Variants in CDH18 observed in about 807,000 individuals in gnomAD.
CDH18 encodes the protein cadherin 18.
In CDH18, 31 loss-of-function variants were observed where a neutral mutation model predicts 67.9. That is an observed-to-expected ratio of 0.46 (90% confidence interval 0.34 to 0.62). CDH18 has a LOEUF of 0.62. CDH18 is among the 20% of genes least tolerant of loss of function. The probability of loss-of-function intolerance (pLI) is 0.01; values close to 1 mark genes in which losing one functional copy is unlikely to be tolerated. For missense variants in CDH18, 890 were observed against 975.5 expected (o/e 0.91, Z 1.17); for synonymous variants, 362 against 347.2 (o/e 1.04, Z -0.48).
At chr5:19,954,888 C>T (rs1180093433) in intron 2 of CDH18, among the ~76,000 whole-genome samples, 1 of 151,756 alleles carries the variant, frequency 6.6e-6, no homozygotes, top group African/African-American at 2.4e-5. Context: ...GAAGATACGA[C>T]TGCACAAGTG....
At chr5:19,722,332 G>A (rs533090433) in intron 4 of CDH18, among the ~76,000 whole-genome samples, 30 of 152,030 alleles carry the variant, frequency 2.0e-4, no homozygotes, top group African/African-American at 6.8e-4. Context: ...GGAATTAAAG[G>A]TGTGAGCCAC....
At chr5:19,898,352 T>TAA (rs5866407) in intron 2 of CDH18, among the ~76,000 whole-genome samples, 27 of 151,514 alleles carry the variant, frequency 1.8e-4, no homozygotes, top group African/African-American at 5.3e-4. Context: ...TTCTTATAGT[T>TAA]AAAAAAAACT....
At chr5:19,630,412 C>T (rs188097319) in intron 5 of CDH18, among the ~76,000 whole-genome samples, 40 of 152,106 alleles carry the variant, frequency 2.6e-4, no homozygotes, top group Non-Finnish European at 4.0e-4. Flanking sequence ...GCTTTGTATT[C>T]TTAATATTTC....
At chr5:19,826,749 A>G (rs1006409759) in intron 3 of CDH18, among the ~76,000 whole-genome samples, 1 of 152,190 alleles carries the variant, frequency 6.6e-6, no homozygotes, top group African/African-American at 2.4e-5. Flanking sequence ...TAGATGGAAG[A>G]GAAATACCAT....
chr5:19,591,640 A>C (rs542363889), intron 6 of CDH18, among the ~76,000 whole-genome samples: 11 of 152,250 alleles, frequency 7.2e-5, no homozygotes, highest in African/African-American at 2.6e-4. Context: ...AAAAATGTGG[A>C]AACAAAAAGT....
intron 5 of CDH18, among the ~76,000 whole-genome samples, chr5:19,678,061 G>C (rs904598686): frequency 1.3e-5 from 2 of 151,886 alleles, no homozygotes; most frequent in African/African-American, 4.8e-5. Context: ...GTAATAGACA[G>C]ATCATCGAGG....
At chr5:20,477,150 T>C (rs1223411807) in intron 1 of CDH18, among the ~76,000 whole-genome samples, 1 of 151,972 alleles carries the variant, frequency 6.6e-6, no homozygotes, top group Non-Finnish European at 1.5e-5. Flanking sequence ...AAGTGATCAC[T>C]CCTTTCTACT....
chr5:20,574,634 GC>G (rs1469329644), intron 1 of CDH18, among the ~76,000 whole-genome samples: 1 of 151,926 alleles, frequency 6.6e-6, no homozygotes, highest in Non-Finnish European at 1.5e-5. Context: ...GGACTGCATT[GC>G]CCCAGCTCAT....
intron 1 of CDH18, among the ~76,000 whole-genome samples, chr5:20,346,198 T>C (rs1740681591): frequency 6.6e-6 from 1 of 152,172 alleles, no homozygotes; most frequent in Admixed American, 6.5e-5. Context: ...TGTTTCCACC[T>C]GGAGACTAAC....
chr5:20,342,399 C>T (rs1310067127), intron 1 of CDH18, among the ~76,000 whole-genome samples: 1 of 152,088 alleles, frequency 6.6e-6, no homozygotes, highest in Non-Finnish European at 1.5e-5. Flanking sequence ...ACCCTGTGCT[C>T]CCTGAGGGAA....
chr5:20,502,067 A>T (rs1416379861), intron 1 of CDH18, among the ~76,000 whole-genome samples: 1 of 152,094 alleles, frequency 6.6e-6, no homozygotes, highest in African/African-American at 2.4e-5. Flanking sequence ...CTCTGACACC[A>T]TTGTTCAGAA....
At chr5:19,581,218 C>A (rs963430909) in intron 7 of CDH18, among the ~76,000 whole-genome samples, 1 of 151,938 alleles carries the variant, frequency 6.6e-6, no homozygotes, top group Admixed American at 6.6e-5. Context: ...TGAGTTGACA[C>A]TGATTTTCAT....
At chr5:20,305,429 C>G (rs1419675894) in intron 1 of CDH18, 4 of 1,526,436 alleles carry the variant, frequency 2.6e-6, no homozygotes, top group Non-Finnish European at 3.6e-6. Flanking sequence ...TCTGTCAGTT[C>G]CTTCTCGGCT....
intron 5 of CDH18, among the ~76,000 whole-genome samples, chr5:19,668,383 TA>T: frequency 6.6e-6 from 1 of 152,006 alleles, no homozygotes; most frequent in African/African-American, 2.4e-5. Context: ...TTATTAGCAT[TA>T]AAAAACAAAT....
chr5:20,541,472 G>A lies in CDH18; in HGVS notation c.-580+33990C>T, dbSNP rs79050550. On this transcript the variant is annotated intron_variant, in intron 1 of 14. Transcript: ENST00000507958. ...TTACCTTTTATACAATGAAGTTGAGGAAACTTACAAAAATACACACAAAAT... is the reference window on the plus strand; with the variant it reads ...TTACCTTTTATACAATGAAGTTGAGAAAACTTACAAAAATACACACAAAAT... 9.7e-3 allele frequency among the ~76,000 whole-genome samples: 1,482 copies of A among 152,028 alleles called. 26 individuals are homozygous for A. The highest frequency in any genetic ancestry group is 0.034 in the African/African-American group (1,406 of 41,476).
chr5:19,711,767 C>CA (rs1378583959), intron 5 of CDH18, among the ~76,000 whole-genome samples: 2 of 151,452 alleles, frequency 1.3e-5, no homozygotes, highest in Admixed American at 6.6e-5. Context: ...GGAGAATTCT[C>CA]AAAAAAACTC....
chr5:19,782,062 A>T (rs1049267136), intron 3 of CDH18, among the ~76,000 whole-genome samples: 1 of 152,174 alleles, frequency 6.6e-6, no homozygotes, highest in Non-Finnish European at 1.5e-5. Flanking sequence ...GCAAAAATAA[A>T]AAAAAGCAAA....
At chr5:20,077,835 T>C (rs1458480627) in intron 2 of CDH18, among the ~76,000 whole-genome samples, 1 of 152,214 alleles carries the variant, frequency 6.6e-6, no homozygotes, top group Admixed American at 6.5e-5. Flanking sequence ...TTGGAAATTT[T>C]GTATAAAACA....
At chr5:20,054,902 G>C (rs1741766783) in intron 2 of CDH18, among the ~76,000 whole-genome samples, 4 of 152,086 alleles carry the variant, frequency 2.6e-5, no homozygotes, top group Admixed American at 2.0e-4. Flanking sequence ...ATACAAATGT[G>C]ACTATCTAAG....
Sources: gnomAD v4.1 joint callset for allele counts (sites outside exome capture counted in the v4.1 genomes callset) on GRCh38, gnomAD v4.1.1 for gene constraint, MANE v1.5 for transcripts, NCBI Gene and HGNC (gene_info 2026-07-23, HGNC 2026-07-21) for gene names.